The following ZFPM2 variants were observed in gnomAD, a reference collection of about 807,000 sequenced individuals.
The protein encoded by ZFPM2 is zinc finger protein, FOG family member 2, also known as zinc finger protein ZFPM2.
ZFPM2 carries 20 observed loss-of-function variants against 98.6 expected under a neutral mutation model. That is an observed-to-expected ratio of 0.20 (90% CI 0.14 to 0.29). ZFPM2 has a LOEUF of 0.29. Ranked by LOEUF, ZFPM2 falls within the 10% of genes least tolerant of loss-of-function variation. ZFPM2 has a pLI of 1.00. For synonymous variants in ZFPM2, 518 were observed against 502.7 expected, an observed-to-expected ratio of 1.03 and a Z score of -0.41; for missense variants, 1,310 against 1,388.6, an observed-to-expected ratio of 0.94 and a Z score of 0.90.
In ZFPM2 at chr8:105,673,186, G is replaced by GA. The variant is rs1817626808; in HGVS notation, c.532+38829_532+38830insA. ...CTACTTCTATTTTTTCAAATAGCAT[G>GA]CTTTTTTTTTTTTTTTTTTTTACCG... On this transcript the variant is annotated intron_variant, in intron 5 of 7. Transcript: ENST00000407775. Among the ~76,000 whole-genome samples the GA allele has an allele frequency of 1.5e-3, 98 of 63,544 alleles. No homozygotes were observed. In the Admixed American group the frequency reaches 0.019, roughly 12 times the overall value. 41.7% of individuals were successfully genotyped at this position (63,544 alleles called of 152,430 possible). A position where few individuals can be genotyped will look rare whatever the true frequency, so the allele number is the denominator to read the frequency against.
intron 5 of ZFPM2, among the ~76,000 whole-genome samples, chr8:105,733,923 G>A (rs1812008907): frequency 6.6e-6 from 1 of 151,800 alleles, no homozygotes; most frequent in East Asian, 2.0e-4. Context: ...GCAAATCAAG[G>A]ACATTTTGCA....
intron 5 of ZFPM2, among the ~76,000 whole-genome samples, chr8:105,725,474 C>T (rs1173137282): frequency 2.0e-5 from 3 of 151,786 alleles, no homozygotes; most frequent in South Asian, 2.1e-4. Flanking sequence ...TATCCAGAAC[C>T]GGTATTTCCC....
At chr8:105,665,649 TTC>T (rs1817475529) in intron 5 of ZFPM2, among the ~76,000 whole-genome samples, 1 of 152,214 alleles carries the variant, frequency 6.6e-6, no homozygotes, top group African/African-American at 2.4e-5. Flanking sequence ...TTTGTTTCAC[TTC>T]TGACGTAGTG....
At chr8:105,451,257 A>C (rs1812478838) in intron 3 of ZFPM2, among the ~76,000 whole-genome samples, 1 of 152,176 alleles carries the variant, frequency 6.6e-6, no homozygotes, top group African/African-American at 2.4e-5. Flanking sequence ...TGACCTTTTC[A>C]TGAGACACAG....
intron 1 of ZFPM2, among the ~76,000 whole-genome samples, chr8:105,363,942 C>T (rs1449352551): frequency 6.6e-6 from 1 of 151,950 alleles, no homozygotes; most frequent in Non-Finnish European, 1.5e-5. Context: ...TATAGTCTGT[C>T]TTATGTACTG....
At chr8:105,589,477 G>A (rs1482932570) in intron 4 of ZFPM2, among the ~76,000 whole-genome samples, 12 of 152,100 alleles carry the variant, frequency 7.9e-5, no homozygotes, top group South Asian at 2.1e-4. Context: ...GAGAAATTAA[G>A]GATTCATAAT....
In ZFPM2 at chr8:105,803,439, A is replaced by G. The variant is rs757536194; in HGVS notation, c.3357A>G (p.Lys1119=). 1 of 1,613,862 alleles carries G rather than the reference A, an allele frequency of 6.2e-7. No individual in the cohort carries two copies. The highest frequency in any genetic ancestry group is 8.5e-7 in the Non-Finnish European group (1 of 1,179,816). The change falls in exon 8 of 8, where the codon AAA becomes AAG. Residue 1119 remains lysine (K), a synonymous_variant. Transcript: ENST00000407775. ...NGSSQAPTSG[K]YCRLCDIQFN... is the part of the protein sequence containing the mutation. Reference sequence around the variant, plus strand: ...CCAGCCAGGCTCCAACCAGTGGGAAATATTGCCGGCTATGTGATATCCAGT... The same window carrying G: ...CCAGCCAGGCTCCAACCAGTGGGAAGTATTGCCGGCTATGTGATATCCAGT...
Position 105,695,378 on chromosome 8 carries a change from A to ATTTTTT in ZFPM2, c.532+61042_532+61047dup, listed in dbSNP as rs1165726984. Among the ~76,000 whole-genome samples the ATTTTTT allele has an allele frequency of 6.7e-5, 5 of 74,842 alleles. No individual in the cohort carries two copies. In the South Asian group the frequency reaches 1.4e-3, roughly 21 times the overall value. The allele number at this position is 74,842 out of a possible 152,430, so 49.1% of individuals were successfully genotyped here. On this transcript the variant is annotated intron_variant, in intron 5 of 7. Transcript: ENST00000407775. Reference sequence around the variant, plus strand: ...TTTAAGTCAGGCAAGAATGGTTTGTATTTTTTTTTTTTTTTTTTTTTTTTT... The same window carrying ATTTTTT: ...TTTAAGTCAGGCAAGAATGGTTTGTATTTTTTTTTTTTTTTTTTTTTTTTTTTTTTT...
intron 4 of ZFPM2, among the ~76,000 whole-genome samples, chr8:105,586,397 G>A (rs1268241023): frequency 1.4e-5 from 2 of 148,124 alleles, no homozygotes; most frequent in South Asian, 2.2e-4. Context: ...CAACCGAGTT[G>A]TGCTGGAATT....
At chr8:105,526,056 T>G (rs191060514) in intron 3 of ZFPM2, among the ~76,000 whole-genome samples, 1 of 152,346 alleles carries the variant, frequency 6.6e-6, no homozygotes, top group Non-Finnish European at 1.5e-5. Context: ...TATTTCCTGA[T>G]AAATTAATGT....
intron 5 of ZFPM2, among the ~76,000 whole-genome samples, chr8:105,651,080 G>T (rs3779770): frequency 0.74 from 112,360 of 152,002 alleles, 41,695 homozygotes; most frequent in Middle Eastern, 0.83. Context: ...TTCATTATGT[G>T]GGGCTTGATC....
At chr8:105,626,925 A>G (rs1208278398) in intron 4 of ZFPM2, among the ~76,000 whole-genome samples, 1 of 145,556 alleles carries the variant, frequency 6.9e-6, no homozygotes, top group Non-Finnish European at 1.5e-5. Flanking sequence ...TTTTTAATCA[A>G]ATAACACTTC....
At chr8:105,785,410 TGGACTTTGC>T (rs1813386095) in intron 5 of ZFPM2, among the ~76,000 whole-genome samples, 1 of 109,476 alleles carries the variant, frequency 9.1e-6, no homozygotes, top group East Asian at 2.5e-4. Flanking sequence ...ACCCTGTGTT[TGGACTTTGC>T]AGTTGGACAG....
intron 5 of ZFPM2, among the ~76,000 whole-genome samples, chr8:105,707,984 C>T (rs1766402273): frequency 6.6e-6 from 1 of 152,052 alleles, no homozygotes; most frequent in African/African-American, 2.4e-5. Flanking sequence ...CTCTTTAGTC[C>T]ACAGCTCATT....
chr8:105,430,992 C>G (rs1288331070), intron 2 of ZFPM2, among the ~76,000 whole-genome samples: 1 of 150,410 alleles, frequency 6.6e-6, no homozygotes, highest in East Asian at 2.0e-4. Context: ...CAACCTCTGT[C>G]TCACGAGTTC....
chr8:105,786,291 T>TA (rs1334540129), intron 5 of ZFPM2, among the ~76,000 whole-genome samples: 1 of 152,154 alleles, frequency 6.6e-6, no homozygotes, highest in African/African-American at 2.4e-5. Flanking sequence ...AAGTGTCAGT[T>TA]ACTCAGTCCT....
intron 1 of ZFPM2, among the ~76,000 whole-genome samples, chr8:105,366,451 T>TG (rs1201454807): frequency 6.6e-6 from 1 of 152,152 alleles, no homozygotes. Flanking sequence ...TTTATTTACA[T>TG]GGAAGATAAG....
chr8:105,573,911 T>C (rs922438928), intron 4 of ZFPM2, among the ~76,000 whole-genome samples: 8 of 152,194 alleles, frequency 5.3e-5, no homozygotes, highest in Admixed American at 6.5e-5. Flanking sequence ...GCTCTTAGTT[T>C]CCTCTTTTAT....
At chr8:105,576,343 T>G (rs1330740663) in intron 4 of ZFPM2, among the ~76,000 whole-genome samples, 1 of 152,044 alleles carries the variant, frequency 6.6e-6, no homozygotes, top group Non-Finnish European at 1.5e-5. Flanking sequence ...GCACAAAAAA[T>G]TAAAAACAGT....
Sources: gnomAD v4.1 joint callset for allele counts (sites outside exome capture counted in the v4.1 genomes callset) on GRCh38, gnomAD v4.1.1 for gene constraint, MANE v1.5 for transcripts, NCBI Gene and HGNC (gene_info 2026-07-23, HGNC 2026-07-21) for gene names.